EIF1AX: variants seen among roughly 807,000 people sequenced by gnomAD.
The protein encoded by EIF1AX is eukaryotic translation initiation factor 1A, X-chromosomal.
In EIF1AX, 1 loss-of-function variant was observed where a neutral mutation model predicts 16.1. The ratio of observed to expected loss-of-function variants is 0.06; its 90% CI spans 0.02 to 0.30. EIF1AX has a LOEUF of 0.30. Ranked by LOEUF, EIF1AX falls within the 10% of genes least tolerant of loss-of-function variation. The probability of loss-of-function intolerance (pLI) is 1.00; values close to 1 mark genes in which losing one functional copy is unlikely to be tolerated. For missense variants in EIF1AX, 11 were observed against 109.1 expected (o/e 0.10, Z 4.00); for synonymous variants, 32 against 37.3 (o/e 0.86, Z 0.51).
At chrX:20,138,481 C>A (rs1444953573) in intron 2 of EIF1AX, 58 bp downstream of exon 2, 1 of 969,183 alleles carries the variant, frequency 1.0e-6, no homozygotes, top group Non-Finnish European at 1.5e-6. Context: ...AAAATAAAGT[C>A]CCCAGCTAAA....
Position 20,127,724 on chromosome X carries a change from CTTTTTT to C in EIF1AX, c.*576_*581del, listed in dbSNP as rs879102152. 1 of 129,964 alleles carries C rather than the reference CTTTTTT, an allele frequency of 7.7e-6. No homozygotes were observed. Among genetic ancestry groups the C allele is most frequent in the Non-Finnish European group, 1.5e-5 (1 of 64,863 alleles). 10.7% of individuals were successfully genotyped at this position (129,964 alleles called of 1,213,427 possible). A position where few individuals can be genotyped will look rare whatever the true frequency, so the allele number is the denominator to read the frequency against. ...GTTCTGAAAACGGCATTTTGGAAAT[CTTTTTT>C]TTTTTTTTTATGTTTACGGTGGCAA... On this transcript the variant is annotated 3_prime_UTR_variant, in exon 7 of 7. Coordinates refer to ENST00000379607, the MANE Select transcript of EIF1AX (RefSeq NM_001412.4).
chrX:20,129,085 G>T (rs892511422), intron 6 of EIF1AX, among the ~76,000 whole-genome samples: 4 of 111,134 alleles, frequency 3.6e-5, no homozygotes, highest in Admixed American at 9.6e-5. Context: ...CAGTTTAGTC[G>T]TAAGACTCCT....
At chrX:20,131,685 T>G (rs992981017) in intron 5 of EIF1AX, among the ~76,000 whole-genome samples, 3 of 107,191 alleles carry the variant, frequency 2.8e-5, no homozygotes, top group African/African-American at 1.0e-4. Context: ...CATGGTTTTT[T>G]TTTTTTTTTT....
chrX:20,131,761 T>C (rs1054134613), intron 5 of EIF1AX, among the ~76,000 whole-genome samples: 3 of 101,961 alleles, frequency 2.9e-5, no homozygotes, highest in African/African-American at 1.1e-4. Context: ...GGCATGATCA[T>C]AGGTCACTGC....
At chrX:20,134,541 C>T (rs1335688148) in intron 3 of EIF1AX, among the ~76,000 whole-genome samples, 1 of 110,815 alleles carries the variant, frequency 9.0e-6, no homozygotes, top group African/African-American at 3.3e-5. Flanking sequence ...AGTTCAAGAC[C>T]AGCCTGGCCA....
At chrX:20,128,488 A>C (rs1263726963) in intron 6 of EIF1AX, among the ~76,000 whole-genome samples, 177 bp from the exon 7 acceptor site, 1 of 112,263 alleles carries the variant, frequency 8.9e-6, no homozygotes, top group African/African-American at 3.2e-5. Context: ...TCTCCTTTGT[A>C]ATGTTACATG....
chrX:20,131,098 T>A (rs1403328809), intron 5 of EIF1AX, among the ~76,000 whole-genome samples: 3 of 111,991 alleles, frequency 2.7e-5, no homozygotes, highest in African/African-American at 9.7e-5. Context: ...ATTATGTTTT[T>A]TCTTAAGATA....
intron 1 of EIF1AX, among the ~76,000 whole-genome samples, chrX:20,140,702 T>C (rs931803842): frequency 8.9e-6 from 1 of 112,174 alleles, no homozygotes; most frequent in African/African-American, 3.2e-5. Context: ...TTACGGACTA[T>C]GAAGTATGCT....
At chrX:20,139,327 T>C (rs2067027051) in intron 1 of EIF1AX, among the ~76,000 whole-genome samples, 1 of 112,387 alleles carries the variant, frequency 8.9e-6, no homozygotes, top group East Asian at 2.8e-4. Context: ...GTGACCATGC[T>C]CTTAACCACT....
In EIF1AX at chrX:20,127,963, G is replaced by T. The variant is rs1415060600; in HGVS notation, c.*343C>A. On this transcript the variant is annotated 3_prime_UTR_variant, in exon 7 of 7. Coordinates refer to ENST00000379607, the MANE Select transcript of EIF1AX (RefSeq NM_001412.4). ...AGAGGCCAGGGCTTAATCAGATTCC[G>T]TGAGGACAAGGCAAATGATTTCTTC... The T allele has an allele frequency of 5.3e-6, 1 of 189,308 alleles. No individual in the cohort carries two copies. Among genetic ancestry groups the T allele is most frequent in the African/African-American group, 3.2e-5 (1 of 31,238 alleles). 15.6% of individuals were successfully genotyped at this position (189,308 alleles called of 1,213,427 possible). A position where few individuals can be genotyped will look rare whatever the true frequency, so the allele number is the denominator to read the frequency against.
At chrX:20,130,302 CAA>C (rs773734086) in intron 6 of EIF1AX, among the ~76,000 whole-genome samples, 401 of 28,403 alleles carry the variant, frequency 0.014, no homozygotes, top group African/African-American at 0.045. Flanking sequence ...AACTCCATCA[CAA>C]AAAAAAAAAA....
At chrX:20,132,919 CA>C (rs1456851924) in intron 4 of EIF1AX, among the ~76,000 whole-genome samples, 1 of 112,084 alleles carries the variant, frequency 8.9e-6, no homozygotes. Flanking sequence ...GCTTCAACTT[CA>C]AGGACAGTGT....
chrX:20,139,613 G>T (rs190864721), intron 1 of EIF1AX, among the ~76,000 whole-genome samples: 1 of 111,414 alleles, frequency 9.0e-6, no homozygotes, highest in East Asian at 2.8e-4. Context: ...TTTCCAAAAG[G>T]CAGGAAAAAG....
intron 6 of EIF1AX, among the ~76,000 whole-genome samples, chrX:20,128,723 C>T (rs189082496): frequency 2.7e-5 from 3 of 111,458 alleles, no homozygotes; most frequent in African/African-American, 9.8e-5. Flanking sequence ...GGTGACAGAG[C>T]CAACTTTTAC....
chrX:20,138,355 A>T (rs1033547350), intron 2 of EIF1AX, among the ~76,000 whole-genome samples, 184 bp downstream of exon 2: 6 of 110,238 alleles, frequency 5.4e-5, no homozygotes, highest in Non-Finnish European at 7.6e-5. Flanking sequence ...TGTAGTCCCA[A>T]ATACTCGGGA....
chrX:20,137,376 G>A (rs1447519396), intron 2 of EIF1AX, among the ~76,000 whole-genome samples: 1 of 111,039 alleles, frequency 9.0e-6, no homozygotes. Flanking sequence ...AACCCGGGAG[G>A]TGGAGCTTGT....
intron 1 of EIF1AX, among the ~76,000 whole-genome samples, chrX:20,138,893 A>T (rs1569174813): frequency 8.9e-6 from 1 of 112,300 alleles, no homozygotes; most frequent in Non-Finnish European, 1.9e-5. Flanking sequence ...GTTAAAAAAT[A>T]TAGAAAAACA....
In EIF1AX at chrX:20,128,205, T is replaced by C. The variant is rs2066991111; in HGVS notation, c.*101A>G. On this transcript the variant is annotated 3_prime_UTR_variant, in exon 7 of 7. Transcript: ENST00000379607. ...AACAAATCAGTCTGCTTTAACAAAT[T>C]GCATTCATGCTAATGAAATTTTAAT... The C allele has an allele frequency of 1.2e-6, 1 of 804,644 alleles. No individual in the cohort carries two copies. Among genetic ancestry groups the C allele is most frequent in the African/African-American group, 2.1e-5 (1 of 47,749 alleles). 66.3% of individuals were successfully genotyped at this position (804,644 alleles called of 1,213,427 possible). A position where few individuals can be genotyped will look rare whatever the true frequency, so the allele number is the denominator to read the frequency against.
At chrX:20,139,385 A>G (rs368144840) in intron 1 of EIF1AX, among the ~76,000 whole-genome samples, 1 of 112,229 alleles carries the variant, frequency 8.9e-6, no homozygotes, top group Non-Finnish European at 1.9e-5. Flanking sequence ...CCATGAGGTC[A>G]TAACATTCAT....
Sources: allele counts gnomAD v4.1 joint callset (sites outside exome capture counted in the v4.1 genomes callset), GRCh38; gene constraint gnomAD v4.1.1; transcripts MANE v1.5; gene names NCBI Gene and HGNC (gene_info 2026-07-23, HGNC 2026-07-21).